The following HCRTR2 variants were observed in gnomAD, a reference collection of about 807,000 sequenced individuals.
HCRTR2 encodes orexin receptor type 2.
HCRTR2 carries 22 observed loss-of-function variants against 49.0 expected under a neutral mutation model. The ratio of observed to expected loss-of-function variants is 0.45; its 90% CI spans 0.32 to 0.64. The LOEUF (loss-of-function observed/expected upper bound fraction) is 0.64. Ranked by LOEUF, HCRTR2 falls within the 30% of genes least tolerant of loss-of-function variation. The pLI is 0.04. For missense variants in HCRTR2, 491 were observed against 559.4 expected, an observed-to-expected ratio of 0.88 and a Z score of 1.23; for synonymous variants, 236 against 205.3, an observed-to-expected ratio of 1.15 and a Z score of -1.28.
chr6:55,197,601 A>G (rs1562003718), intron 1 of HCRTR2, among the ~76,000 whole-genome samples: 1 of 152,072 alleles, frequency 6.6e-6, no homozygotes, highest in Non-Finnish European at 1.5e-5. Flanking sequence ...GCTACTTACC[A>G]TAACCCTGAA....
At chr6:55,262,405 T>C (rs1228186377) in intron 3 of HCRTR2, among the ~76,000 whole-genome samples, 6 of 137,030 alleles carry the variant, frequency 4.4e-5, no homozygotes, top group African/African-American at 1.7e-4. Context: ...ATATATAATG[T>C]ATTATATGTT....
At chr6:55,118,894 C>T (rs1241396056) in intron 1 of HCRTR2, among the ~76,000 whole-genome samples, 4 of 150,754 alleles carry the variant, frequency 2.7e-5, no homozygotes, top group Non-Finnish European at 5.9e-5. Flanking sequence ...CCCATCAACC[C>T]GTCACCTACA....
chr6:55,110,850 T>TTAAA (rs57655054), intron 1 of HCRTR2, among the ~76,000 whole-genome samples: 83,370 of 151,252 alleles, frequency 0.55, 23,810 homozygotes, highest in East Asian at 0.84. Context: ...AACAATGGAC[T>TTAAA]TAAAGTATAC....
intron 1 of HCRTR2, among the ~76,000 whole-genome samples, chr6:55,153,309 TA>T (rs1160832853): frequency 6.6e-6 from 1 of 152,032 alleles, no homozygotes; most frequent in Non-Finnish European, 1.5e-5. Context: ...CTATAGAGTG[TA>T]GTTACAGAAA....
upstream of HCRTR2, among the ~76,000 whole-genome samples, chr6:55,171,297 T>A (rs1164088700): frequency 6.6e-6 from 1 of 152,090 alleles, no homozygotes; most frequent in Non-Finnish European, 1.5e-5. Flanking sequence ...GGCACTGGTC[T>A]GAAAATATCA....
At chr6:55,240,396 A>G (rs973686646) in intron 1 of HCRTR2, among the ~76,000 whole-genome samples, 1 of 148,308 alleles carries the variant, frequency 6.7e-6, no homozygotes. Context: ...AGTTTTATTC[A>G]TATTCATATT....
chr6:55,125,531 T>C (rs879280642), intron 1 of HCRTR2, among the ~76,000 whole-genome samples: 6 of 152,216 alleles, frequency 3.9e-5, no homozygotes, highest in Non-Finnish European at 8.8e-5. Flanking sequence ...CCTTTCTCTC[T>C]GGCTGCCCTT....
chr6:55,125,271 T>C (rs1462767986), intron 1 of HCRTR2, among the ~76,000 whole-genome samples: 1 of 152,240 alleles, frequency 6.6e-6, no homozygotes, highest in East Asian at 1.9e-4. Context: ...TTTCTATGTT[T>C]AGCGCTTCCT....
At chr6:55,107,355 G>A (rs142515796) in intron 1 of HCRTR2, among the ~76,000 whole-genome samples, 20 of 152,050 alleles carry the variant, frequency 1.3e-4, no homozygotes, top group East Asian at 9.7e-4. Flanking sequence ...AGCAACTCCC[G>A]TTACTAGCTA....
intron 1 of HCRTR2, among the ~76,000 whole-genome samples, chr6:55,195,753 C>G (rs955151439): frequency 1.6e-4 from 25 of 152,062 alleles, no homozygotes; most frequent in African/African-American, 6.0e-4. Context: ...GGGCGGATCA[C>G]AAGATCAGGA....
In HCRTR2 at chr6:55,254,534, C is replaced by T. The variant is rs62416822; in HGVS notation, c.403-602C>T. The stretch of plus-strand genomic sequence containing the variant: ...GTGAGCAAACTGTCATAAGGAGATT[C>T]GCATACAAAATTCTCTTTTAATATG... On this transcript the variant is annotated intron_variant, in intron 2 of 6. Coordinates refer to ENST00000370862, the MANE Select transcript of HCRTR2 (RefSeq NM_001384272.1). 8.1e-3 allele frequency among the ~76,000 whole-genome samples: 1,227 copies of T among 152,126 alleles called. 10 individuals carry two copies. The highest frequency in any genetic ancestry group is 0.017 in the Middle Eastern group (5 of 294).
chr6:55,269,695 T>C (rs1385374656), intron 4 of HCRTR2, among the ~76,000 whole-genome samples: 1 of 152,148 alleles, frequency 6.6e-6, no homozygotes, highest in Non-Finnish European at 1.5e-5. Flanking sequence ...TGATTGCTTA[T>C]GCCTGTAATC....
At chr6:55,226,979 C>A (rs1766021084) in intron 1 of HCRTR2, among the ~76,000 whole-genome samples, 1 of 151,878 alleles carries the variant, frequency 6.6e-6, no homozygotes, top group Non-Finnish European at 1.5e-5. Context: ...TTTCTTATTT[C>A]AAATTTAACA....
intron 1 of HCRTR2, among the ~76,000 whole-genome samples, chr6:55,240,560 A>T (rs1328724263): frequency 6.6e-6 from 1 of 151,898 alleles, no homozygotes; most frequent in Non-Finnish European, 1.5e-5. Context: ...GTAGGTGGAG[A>T]ATGGGAGATT....
At chr6:55,113,602 G>C (rs148769540) in intron 1 of HCRTR2, among the ~76,000 whole-genome samples, 1 of 150,864 alleles carries the variant, frequency 6.6e-6, no homozygotes, top group African/African-American at 2.4e-5. Context: ...TCCTGCAAGA[G>C]TAATTTTATC....
intron 1 of HCRTR2, among the ~76,000 whole-genome samples, chr6:55,191,638 A>G (rs573976986): frequency 6.6e-6 from 1 of 152,220 alleles, no homozygotes; most frequent in East Asian, 1.9e-4. Context: ...CACCAGAATT[A>G]TATGACAGTC....
intron 6 of HCRTR2, among the ~76,000 whole-genome samples, chr6:55,280,877 A>C (rs1767177255): frequency 1.3e-5 from 2 of 152,168 alleles, no homozygotes; most frequent in Admixed American, 6.5e-5. Context: ...TCTTGTGAGT[A>C]TCATCTCTTG....
At chr6:55,219,402 A>G (rs1765848409) in intron 1 of HCRTR2, among the ~76,000 whole-genome samples, 1 of 152,200 alleles carries the variant, frequency 6.6e-6, no homozygotes, top group Non-Finnish European at 1.5e-5. Context: ...GAAACTGGCA[A>G]TTTCACCAAT....
At chr6:55,186,831 A>T (rs1765223548) in intron 1 of HCRTR2, among the ~76,000 whole-genome samples, 1 of 152,192 alleles carries the variant, frequency 6.6e-6, no homozygotes, top group African/African-American at 2.4e-5. Context: ...TGTTTCAGGC[A>T]TGCCCATAGA....
Sources: allele counts gnomAD v4.1 joint callset (sites outside exome capture counted in the v4.1 genomes callset), GRCh38; gene constraint gnomAD v4.1.1; transcripts MANE v1.5; gene names NCBI Gene and HGNC (gene_info 2026-07-23, HGNC 2026-07-21).